HIP1: variants seen among roughly 807,000 people sequenced by gnomAD.
HIP1 encodes huntingtin interacting protein 1.
HIP1 carries 65 observed loss-of-function variants against 147.6 expected under a neutral mutation model. The observed-to-expected ratio is 0.44, with a 90% confidence interval of 0.36 to 0.54. HIP1 has a LOEUF of 0.54. Among genes scored for constraint, HIP1 ranks in the 20% least tolerant of loss-of-function variants. The pLI is 0.00. For synonymous variants in HIP1, 479 were observed against 504.0 expected, an observed-to-expected ratio of 0.95 and a Z score of 0.67; for missense variants, 1,061 against 1,299.6, an observed-to-expected ratio of 0.82 and a Z score of 2.82.
rs587758858 is a variant in HIP1 at position 75,594,642 on chromosome 7, T to C, written c.185-2128A>G. ...TACAAAAATTAGCCGGGCATGGTGG[T>C]GCATGCCTGTAATCCCACCTACTCG... On this transcript the variant is annotated intron_variant, in intron 2 of 30. Coordinates refer to ENST00000336926, the MANE Select transcript of HIP1 (RefSeq NM_005338.7). Among the ~76,000 whole-genome samples, 131 of 151,474 alleles carry C rather than the reference T, an allele frequency of 8.6e-4. 1 individual carries two copies. The highest frequency in any genetic ancestry group is 1.1e-3 in the Non-Finnish European group (73 of 67,754).
chr7:75,541,918 C>A lies in HIP1; in HGVS notation c.2952+1G>T. 1 of 1,607,356 alleles carries A rather than the reference C, an allele frequency of 6.2e-7. No homozygotes were observed. Among genetic ancestry groups the A allele is most frequent in the East Asian group, 2.2e-5 (1 of 44,844 alleles). On this transcript the variant is annotated splice_donor_variant, in intron 29 of 30. Coordinates refer to ENST00000336926, the MANE Select transcript of HIP1 (RefSeq NM_005338.7). LOFTEE classifies it high-confidence loss of function. ...TCTAGACTTACAGATGGAGCTCTCA[C>A]CTGAGAATCCATCTCTTGGCGTTTG...
chr7:75,716,824 TTAGG>T (rs1563310336), intron 1 of HIP1, among the ~76,000 whole-genome samples: 1 of 149,824 alleles, frequency 6.7e-6, no homozygotes, highest in African/African-American at 2.5e-5. Context: ...CAGCTTTTTT[TTAGG>T]GGGGGGGAAA....
chr7:75,561,143 G>T (rs1178041423), intron 13 of HIP1, among the ~76,000 whole-genome samples, 186 bp downstream of exon 13: 5 of 151,696 alleles, frequency 3.3e-5, no homozygotes, highest in Non-Finnish European at 7.4e-5. Context: ...ATTGAAGACG[G>T]GGGTTTCACC....
chr7:75,725,785 G>A (rs75162136), intron 1 of HIP1, among the ~76,000 whole-genome samples: 1,946 of 150,724 alleles, frequency 0.013, 42 homozygotes, highest in African/African-American at 0.045. Context: ...ATATGATTAT[G>A]AATATTCTTC....
chr7:75,697,762 A>G (rs898124050), intron 1 of HIP1, among the ~76,000 whole-genome samples: 3 of 152,222 alleles, frequency 2.0e-5, no homozygotes, highest in African/African-American at 7.2e-5. Flanking sequence ...CAGTGAACCA[A>G]GACTGTGCCA....
chr7:75,673,589 C>A (rs1369787140), intron 1 of HIP1, among the ~76,000 whole-genome samples: 1 of 152,066 alleles, frequency 6.6e-6, no homozygotes, highest in Non-Finnish European at 1.5e-5. Flanking sequence ...AAGTATTGCA[C>A]ATCTTTGGTT....
chr7:75,685,415 T>C (rs1342781452), intron 1 of HIP1, among the ~76,000 whole-genome samples: 1 of 152,244 alleles, frequency 6.6e-6, no homozygotes, highest in African/African-American at 2.4e-5. Context: ...TGGTATTGCG[T>C]GTGCTCCCTA....
chr7:75,604,301 G>T (rs1301312774), intron 1 of HIP1, among the ~76,000 whole-genome samples: 2 of 152,162 alleles, frequency 1.3e-5, no homozygotes, highest in African/African-American at 4.8e-5. Context: ...ACCTGGACAT[G>T]GTTAAGTTCC....
intron 9 of HIP1, among the ~76,000 whole-genome samples, chr7:75,564,364 G>A (rs587617801): frequency 2.3e-3 from 345 of 149,862 alleles, no homozygotes; most frequent in Non-Finnish European, 3.8e-3. Flanking sequence ...GCGCGATCTC[G>A]GCTCACTGCA....
At chr7:75,619,785 G>C (rs1797786274) in intron 1 of HIP1, among the ~76,000 whole-genome samples, 1 of 152,204 alleles carries the variant, frequency 6.6e-6, no homozygotes, top group Non-Finnish European at 1.5e-5. Flanking sequence ...TTACAGAAGT[G>C]TGATTTATAC....
At chr7:75,566,613 T>A in intron 9 of HIP1, among the ~76,000 whole-genome samples, 1 of 151,300 alleles carries the variant, frequency 6.6e-6, no homozygotes, top group East Asian at 1.9e-4. Context: ...TATGCAGAGG[T>A]GCTTCCGCCC....
rs56106169 is a variant in HIP1 at position 75,609,903 on chromosome 7, CT to C, written c.121-10657del. Reference sequence around the variant, plus strand: ...TTCCTTCTTTCTTTTCTCTTCTTTTCTTTTTTTTTTTTTTTTTGAGACAAAG... The same window carrying C: ...TTCCTTCTTTCTTTTCTCTTCTTTTCTTTTTTTTTTTTTTTTGAGACAAAG... On this transcript the variant is annotated intron_variant, in intron 1 of 30. Coordinates refer to ENST00000336926, the MANE Select transcript of HIP1 (RefSeq NM_005338.7). 6.5e-3 allele frequency among the ~76,000 whole-genome samples: 845 copies of C among 130,944 alleles called. 2 individuals carry two copies. Among genetic ancestry groups the C allele is most frequent in the Non-Finnish European group, 7.9e-3 (488 of 61,620 alleles). The allele number at this position is 130,944 out of a possible 152,430, so 85.9% of individuals were successfully genotyped here. A position where few individuals can be genotyped will look rare whatever the true frequency, so the allele number is the denominator to read the frequency against.
intron 1 of HIP1, among the ~76,000 whole-genome samples, chr7:75,728,942 G>A (rs186244106): frequency 6.6e-6 from 1 of 150,632 alleles, no homozygotes; most frequent in African/African-American, 2.4e-5. Context: ...AGTATGGTGG[G>A]GGGAAGTGGG....
chr7:75,556,854 G>C, intron 16 of HIP1, 43 bp from the exon 17 acceptor site: 1 of 1,169,408 alleles, frequency 8.6e-7, no homozygotes, highest in Non-Finnish European at 1.3e-6. Context: ...CTGGGTGACA[G>C]TGACAAAGAA....
rs112148835 is a variant in HIP1, at chr7:75,559,628, C to T, written c.1375+104G>A. On this transcript the variant is annotated intron_variant, in intron 14 of 30. Coordinates refer to ENST00000336926, the MANE Select transcript of HIP1 (RefSeq NM_005338.7). ...TCCTAGCTGTTTCTAGAAAGACAGT[C>T]TGGGTCTCCCCCACCCAGCCTCTGT... 1.9e-3 allele frequency: 1,809 copies of T among 936,016 alleles called. 24 individuals carry two copies. In the African/African-American group the frequency reaches 0.027, roughly 14 times the overall value. The allele number at this position is 936,016 out of a possible 1,614,324, so 58.0% of individuals were successfully genotyped here. A position where few individuals can be genotyped will look rare whatever the true frequency, so the allele number is the denominator to read the frequency against.
chr7:75,533,855 G>A lies in HIP1; in HGVS notation c.*4317C>T, dbSNP rs1793988551. The stretch of plus-strand genomic sequence containing the variant: ...TGGCTGGTTTGCTGCGCCGATGGCT[G>A]GCAGGTCCGTGGTGGTGGTTTTCTA... On this transcript the variant is annotated 3_prime_UTR_variant, in exon 31 of 31. Coordinates refer to ENST00000336926, the MANE Select transcript of HIP1 (RefSeq NM_005338.7). 8.5e-6 allele frequency: 2 copies of A among 235,298 alleles called. No homozygotes were observed. The highest frequency in any genetic ancestry group is 2.2e-5 in the African/African-American group (1 of 45,370). 14.6% of individuals were successfully genotyped at this position (235,298 alleles called of 1,614,324 possible). A position where few individuals can be genotyped will look rare whatever the true frequency, so the allele number is the denominator to read the frequency against.
At chr7:75,652,963 C>T (rs1049657092) in intron 1 of HIP1, among the ~76,000 whole-genome samples, 2 of 152,088 alleles carry the variant, frequency 1.3e-5, no homozygotes, top group Admixed American at 6.6e-5. Context: ...GGAGGTGCTC[C>T]TGAGGTCAGC....
rs1795087748 is a variant in HIP1, at chr7:75,558,148, C to A, written c.1464+19G>T. 1 of 1,605,800 alleles carries A rather than the reference C, an allele frequency of 6.2e-7. No individual in the cohort carries two copies. The highest frequency in any genetic ancestry group is 1.1e-5 in the South Asian group (1 of 90,916). On this transcript the variant is annotated intron_variant, in intron 15 of 30. Transcript: ENST00000336926. ...AGGTGCAGGGCCTGCAGGATGGTGA[C>A]AGGGGCTGAGGGTCTTACCTTCCGC...
chr7:75,558,687 C>T (rs782641182), intron 14 of HIP1, among the ~76,000 whole-genome samples: 1 of 152,142 alleles, frequency 6.6e-6, no homozygotes, highest in Non-Finnish European at 1.5e-5. Context: ...AGAAACTTCT[C>T]CAGGAAGTCA....
Sources: allele counts gnomAD v4.1 joint callset (sites outside exome capture counted in the v4.1 genomes callset), GRCh38; gene constraint gnomAD v4.1.1; transcripts MANE v1.5; gene names NCBI Gene and HGNC (gene_info 2026-07-23, HGNC 2026-07-21).